The following ANK3 variants were observed in gnomAD, a reference collection of about 807,000 sequenced individuals.
ANK3 encodes ankyrin 3.
In ANK3, 57 loss-of-function variants were observed where a neutral mutation model predicts 370.9. The ratio of observed to expected loss-of-function variants is 0.15; its 90% CI spans 0.12 to 0.19. The LOEUF is 0.19. Ranked by LOEUF, ANK3 falls within the 10% of genes least tolerant of loss-of-function variation. ANK3 has a pLI of 1.00. For missense variants in ANK3, 4,439 were observed against 5,302.1 expected (o/e 0.84, Z 5.06); for synonymous variants, 1,929 against 1,946.3 (o/e 0.99, Z 0.23).
intron 8 of ANK3, among the ~76,000 whole-genome samples, chr10:60,216,624 C>T (rs142657203): frequency 1.7e-3 from 261 of 152,236 alleles, no homozygotes; most frequent in African/African-American, 6.1e-3. Context: ...CCGATTTACT[C>T]GTGGTAGGTA....
chr10:60,274,460 G>C (rs527723553), intron 4 of ANK3, among the ~76,000 whole-genome samples: 2 of 152,106 alleles, frequency 1.3e-5, no homozygotes, highest in Non-Finnish European at 2.9e-5. Flanking sequence ...TTCTTTCAGA[G>C]AATTACCTAT....
intron 1 of ANK3, among the ~76,000 whole-genome samples, chr10:60,309,125 G>A (rs965301677): frequency 5.3e-5 from 8 of 152,130 alleles, no homozygotes; most frequent in African/African-American, 1.9e-4. Context: ...GACTTCATAC[G>A]TGTGTTCTTG....
At chr10:60,244,999 C>T (rs1471260645) in intron 7 of ANK3, among the ~76,000 whole-genome samples, 2 of 152,120 alleles carry the variant, frequency 1.3e-5, no homozygotes, top group Non-Finnish European at 2.9e-5. Context: ...GAAACCCCGT[C>T]TCTACTAAAA....
At chr10:60,372,673 G>C (rs1297790340) in intron 1 of ANK3, among the ~76,000 whole-genome samples, 1 of 152,156 alleles carries the variant, frequency 6.6e-6, no homozygotes, top group East Asian at 1.9e-4. Context: ...AGGAGAGGCT[G>C]GCTCTGCAGA....
At chr10:60,307,463 G>T (rs1363672129) in intron 1 of ANK3, among the ~76,000 whole-genome samples, 1 of 151,798 alleles carries the variant, frequency 6.6e-6, no homozygotes, top group African/African-American at 2.4e-5. Context: ...CTCCTAAGTA[G>T]CTGGGAATAC....
intron 7 of ANK3, among the ~76,000 whole-genome samples, chr10:60,246,319 T>C (rs2097555356): frequency 6.6e-6 from 1 of 151,338 alleles, no homozygotes; most frequent in Admixed American, 6.6e-5. Flanking sequence ...TGTAAGTTTT[T>C]TTTTTTCCTC....
intron 20 of ANK3, among the ~76,000 whole-genome samples, chr10:60,172,609 CTTT>C (rs1237096608): frequency 6.6e-6 from 1 of 152,132 alleles, no homozygotes; most frequent in Non-Finnish European, 1.5e-5. Flanking sequence ...ATCCAAGAGG[CTTT>C]TTAACGTTCT....
At chr10:60,200,063 T>C in intron 13 of ANK3, 66 bp downstream of exon 13, 4 of 1,318,970 alleles carry the variant, frequency 3.0e-6, no homozygotes, top group Non-Finnish European at 4.4e-6. Context: ...TGTATATACT[T>C]AAAAGTTTTA....
chr10:60,382,149 A>C (rs969778289), intron 1 of ANK3, among the ~76,000 whole-genome samples: 1 of 152,150 alleles, frequency 6.6e-6, no homozygotes, highest in African/African-American at 2.4e-5. Flanking sequence ...CAAATGCCTC[A>C]GTGTCTCTGA....
intron 1 of ANK3, among the ~76,000 whole-genome samples, chr10:60,282,486 A>G (rs779387888): frequency 4.6e-5 from 7 of 152,106 alleles, no homozygotes; most frequent in Non-Finnish European, 8.8e-5. Flanking sequence ...TGATGAATAA[A>G]TTATCTTCCT....
intron 2 of ANK3, among the ~76,000 whole-genome samples, chr10:60,600,610 A>G (rs1190099350): frequency 6.6e-6 from 1 of 152,180 alleles, no homozygotes; most frequent in Non-Finnish European, 1.5e-5. Flanking sequence ...CATAGCAGGC[A>G]TCTAATTTGT....
At chr10:60,135,416 G>T (rs1348929181) in intron 24 of ANK3, among the ~76,000 whole-genome samples, 1 of 152,232 alleles carries the variant, frequency 6.6e-6, no homozygotes, top group East Asian at 1.9e-4. Context: ...TAGAGCTGCA[G>T]AATATAAAAC....
intron 2 of ANK3, among the ~76,000 whole-genome samples, chr10:60,413,718 GC>G (rs2063605148): frequency 6.6e-6 from 1 of 152,166 alleles, no homozygotes; most frequent in Non-Finnish European, 1.5e-5. Flanking sequence ...AAACAGGTGG[GC>G]TGTAGTGACT....
chr10:60,447,106 A>C (rs989231775), intron 2 of ANK3, among the ~76,000 whole-genome samples: 1 of 152,236 alleles, frequency 6.6e-6, no homozygotes, highest in African/African-American at 2.4e-5. Context: ...GCCAAATGCC[A>C]CACGGCCACA....
intron 1 of ANK3, among the ~76,000 whole-genome samples, chr10:60,341,470 T>A (rs1280357996): frequency 6.6e-6 from 1 of 152,174 alleles, no homozygotes; most frequent in Non-Finnish European, 1.5e-5. Flanking sequence ...GGCTCATAAT[T>A]AATTGATATA....
intron 2 of ANK3, among the ~76,000 whole-genome samples, chr10:60,418,286 G>T (rs963847837): frequency 1.3e-5 from 2 of 152,084 alleles, no homozygotes; most frequent in African/African-American, 4.8e-5. Flanking sequence ...ACACCACACT[G>T]ACTCACTGTT....
intron 2 of ANK3, among the ~76,000 whole-genome samples, chr10:60,549,112 C>A (rs2077034657): frequency 6.7e-6 from 1 of 149,924 alleles, no homozygotes; most frequent in Non-Finnish European, 1.5e-5. Context: ...AATTGCTACA[C>A]AAATGAGTGA....
chr10:60,200,313 T>C (rs2096652677), intron 12 of ANK3, 86 bp from the exon 13 acceptor site: 1 of 1,042,896 alleles, frequency 9.6e-7, no homozygotes, highest in African/African-American at 1.6e-5. Context: ...TGATGGACTT[T>C]TTTCAAAAAT....
chr10:60,210,426 C>G (rs1385461136), intron 9 of ANK3, among the ~76,000 whole-genome samples: 3 of 151,586 alleles, frequency 2.0e-5, no homozygotes, highest in Non-Finnish European at 2.9e-5. Context: ...GAACTCAAAC[C>G]AAGCAAACAG....
Sources: allele counts gnomAD v4.1 joint callset (sites outside exome capture counted in the v4.1 genomes callset), GRCh38; gene constraint gnomAD v4.1.1; transcripts MANE v1.5; gene names NCBI Gene and HGNC (gene_info 2026-07-23, HGNC 2026-07-21).